USP47: variants seen among roughly 807,000 people sequenced by gnomAD.
USP47 encodes ubiquitin specific peptidase 47.
A neutral mutation model predicts 165.1 loss-of-function variants in USP47; 35 were observed. The ratio of observed to expected loss-of-function variants is 0.21; its 90% CI spans 0.16 to 0.28. The LOEUF is 0.28. Ranked by LOEUF, USP47 falls within the 10% of genes least tolerant of loss-of-function variation. The pLI is 1.00. For missense variants in USP47, 1,277 were observed against 1,607.4 expected (o/e 0.79, Z 3.52); for synonymous variants, 531 against 544.5 (o/e 0.98, Z 0.35).
rs776071039 is a variant in USP47, at chr11:11,942,737, C to T, written c.2716C>T (p.Leu906Phe). The T allele has an allele frequency of 8.1e-6, 13 of 1,613,594 alleles. No individual in the cohort carries two copies. The South Asian group carries it at 1.2e-4, about 15-fold the overall frequency. Reference sequence around the variant, plus strand: ...TTCAGCATCAGTGGATAATAGAGAACTTGAACAGCATATTCAGACTTCTGA... The same window carrying T: ...TTCAGCATCAGTGGATAATAGAGAATTTGAACAGCATATTCAGACTTCTGA... ...DSSASVDNRELEQHIQTSDPE... is the reference protein window; with the variant it reads ...DSSASVDNREFEQHIQTSDPE... Residue 906 changes from leucine (L) to phenylalanine (F), a missense_variant, in exon 20 of 28, where the codon CTT (leucine) becomes TTT (phenylalanine). Transcript: ENST00000527733.
chr11:11,918,888 A>T (rs1226143472), intron 8 of USP47, among the ~76,000 whole-genome samples: 3 of 151,914 alleles, frequency 2.0e-5, no homozygotes, highest in Non-Finnish European at 4.4e-5. Context: ...TAAGCTATAG[A>T]TGTAATTTCT....
At chr11:11,867,584 T>C (rs762561554) in intron 1 of USP47, among the ~76,000 whole-genome samples, 82 of 152,340 alleles carry the variant, frequency 5.4e-4, no homozygotes, top group Non-Finnish European at 1.0e-3. Context: ...TCTTGAAGCA[T>C]GTTAAACATT....
At chr11:11,950,220 C>G in intron 23 of USP47, 144 bp from the exon 24 acceptor site, 1 of 713,768 alleles carries the variant, frequency 1.4e-6, no homozygotes, top group Non-Finnish European at 2.2e-6. Flanking sequence ...GGAAACATTT[C>G]TTTATTTCCC....
intron 20 of USP47, among the ~76,000 whole-genome samples, chr11:11,947,285 C>T (rs190439666): frequency 2.0e-5 from 3 of 152,012 alleles, no homozygotes; most frequent in East Asian, 3.9e-4. Context: ...AAATTTAAGC[C>T]GGGAAGAGGT....
intron 2 of USP47, among the ~76,000 whole-genome samples, chr11:11,880,800 C>T (rs1042963972): frequency 6.6e-6 from 1 of 152,090 alleles, no homozygotes; most frequent in African/African-American, 2.4e-5. Flanking sequence ...ATGCCTCATA[C>T]ATTACAGTGT....
chr11:11,921,238 T>TG (rs1160864652), intron 10 of USP47, among the ~76,000 whole-genome samples: 1 of 151,676 alleles, frequency 6.6e-6, no homozygotes, highest in East Asian at 1.9e-4. Flanking sequence ...AAGCGTTTTT[T>TG]TTTTGTTTTG....
chr11:11,844,258 C>T (rs1231494021), intron 1 of USP47, among the ~76,000 whole-genome samples: 1 of 152,086 alleles, frequency 6.6e-6, no homozygotes. Flanking sequence ...TAGTGATACT[C>T]CACTTTTCTG....
chr11:11,928,683 A>G (rs1412635827), intron 11 of USP47, among the ~76,000 whole-genome samples: 4 of 152,048 alleles, frequency 2.6e-5, no homozygotes, highest in Non-Finnish European at 5.9e-5. Flanking sequence ...AGTCTCTAGT[A>G]TCTCAAACTG....
chr11:11,892,038 G>C lies in USP47; in HGVS notation c.428G>C (p.Gly143Ala), dbSNP rs11022079. 2.5e-6 allele frequency: 4 copies of C among 1,613,782 alleles called. No individual in the cohort carries two copies. The highest frequency in any genetic ancestry group is 3.4e-6 in the Non-Finnish European group (4 of 1,179,846). ...FIGPLPREGS[G>A]GSTSDYVSQS... ...GGTCCGCTTCCAAGAGAAGGTTCTG[G>C]GGGTTCTACCAGTGATTATGTCAGC... Residue 143 changes from glycine (G) to alanine (A), a missense_variant, in exon 4 of 28, where the codon GGG becomes GCG. Gly to Ala is a moderately conservative substitution (Grantham distance 60). Around this residue, in one of 4 missense-constraint regions of USP47, gnomAD observed 181 missense variants for 194.7 expected, o/e 0.93. Transcript: ENST00000527733.
chr11:11,925,765 T>A (rs2134643143), intron 11 of USP47, among the ~76,000 whole-genome samples: 1 of 152,276 alleles, frequency 6.6e-6, no homozygotes. Context: ...TGGCTAGGAC[T>A]TCCAGTACTA....
rs1324841572 is a variant in USP47, at chr11:11,842,142, C to T, written c.-44C>T. On this transcript the variant is annotated 5_prime_UTR_variant, in exon 1 of 28. Transcript: ENST00000527733. ...TGAGCTAGCGAGCCGCCGCCACCCT[C>T]CACCCTCCCCCGGCAGGGCGGAGAG... The T allele has an allele frequency of 1.3e-6, 2 of 1,550,076 alleles. No homozygotes were observed. The highest frequency in any genetic ancestry group is 1.2e-5 in the South Asian group (1 of 83,894).
At chr11:11,933,974 CA>C (rs773564440) in intron 16 of USP47, 39 bp downstream of exon 16, 24 of 1,434,604 alleles carry the variant, frequency 1.7e-5, no homozygotes, top group Non-Finnish European at 2.3e-5. Flanking sequence ...CTTACTAATA[CA>C]ACAGTATTAA....
At chr11:11,927,964 C>T (rs1854375369) in intron 11 of USP47, among the ~76,000 whole-genome samples, 1 of 151,990 alleles carries the variant, frequency 6.6e-6, no homozygotes, top group Non-Finnish European at 1.5e-5. Flanking sequence ...TAGATATATA[C>T]AATTCTAATT....
At chr11:11,873,546 C>G (rs984921009) in intron 1 of USP47, among the ~76,000 whole-genome samples, 3 of 152,036 alleles carry the variant, frequency 2.0e-5, no homozygotes, top group African/African-American at 7.3e-5. Context: ...ATTTGATTTA[C>G]ACACAATTCT....
rs1197543879 is a variant in USP47 at position 11,960,042 on chromosome 11, C to G, written c.*3867C>G. 6.6e-6 allele frequency among the ~76,000 whole-genome samples: 1 copy of G among 152,144 alleles called. No individual in the cohort carries two copies. The highest frequency in any genetic ancestry group is 1.5e-5 in the Non-Finnish European group (1 of 68,028). On this transcript the variant is annotated 3_prime_UTR_variant, in exon 28 of 28. Coordinates refer to ENST00000527733, the MANE Select transcript of USP47 (RefSeq NM_001282659.2). ...TTCATAACTGTGCCAATTGTTTTGT[C>G]AAATGCAGTTACCCACTGGGCAGTG...
Position 11,936,522 on chromosome 11 carries a change from T to G in USP47, c.2077+12T>G. ...TTATAAACCTGGAGGTGAGCAATTT[T>G]ACACTATTTTTAGTTGTTCTGTACT... On this transcript the variant is annotated intron_variant, in intron 17 of 27. Transcript: ENST00000527733. The G allele has an allele frequency of 6.4e-7, 1 of 1,557,008 alleles. No homozygotes were observed. The highest frequency in any genetic ancestry group is 8.7e-7 in the Non-Finnish European group (1 of 1,146,236).
At chr11:11,848,039 A>G (rs1848521793) in intron 1 of USP47, among the ~76,000 whole-genome samples, 1 of 152,246 alleles carries the variant, frequency 6.6e-6, no homozygotes, top group African/African-American at 2.4e-5. Context: ...TTACATAGCT[A>G]TTTGATTCTA....
chr11:11,877,815 G>C (rs968484534), intron 1 of USP47, among the ~76,000 whole-genome samples: 482 of 28,182 alleles, frequency 0.017, 3 homozygotes, highest in African/African-American at 0.047. Flanking sequence ...CTGTGTGTGT[G>C]TGTGTGTGTG....
chr11:11,849,199 A>T (rs1334700522), intron 1 of USP47, among the ~76,000 whole-genome samples: 3 of 152,238 alleles, frequency 2.0e-5, no homozygotes, highest in Non-Finnish European at 2.9e-5. Flanking sequence ...CACCATGCCC[A>T]GCCTGTATAC....
Sources: allele counts gnomAD v4.1 joint callset (sites outside exome capture counted in the v4.1 genomes callset), GRCh38; gene constraint gnomAD v4.1.1; regional missense constraint gnomAD v4.1.1; transcripts MANE v1.5; gene names NCBI Gene and HGNC (gene_info 2026-07-23, HGNC 2026-07-21).